KCNQ1OT1: variants seen among roughly 807,000 people sequenced by gnomAD.
KCNQ1OT1 encodes KCNQ1 antisense RNA 2 (non-protein coding).
At chr11:2,616,329 C>CAA (rs1419570603) in exon 1 of KCNQ1OT1, 1 of 396,986 alleles carries the variant, frequency 2.5e-6, no homozygotes, top group East Asian at 3.6e-5. Flanking sequence ...TTGATCTTTT[C>CAA]AAAAACAAGC....
exon 1 of KCNQ1OT1, chr11:2,635,427 A>C (rs1277083720): frequency 6.6e-6 from 1 of 152,212 alleles, no homozygotes; most frequent in African/African-American, 2.4e-5. Context: ...AGCACCATTT[A>C]TTAAATAGGG....
exon 1 of KCNQ1OT1, chr11:2,656,343 GCA>G: frequency 2.5e-6 from 1 of 398,600 alleles, no homozygotes; most frequent in East Asian, 3.6e-5. Context: ...CTCCAAATCT[GCA>G]CATTCTTCAA....
At chr11:2,622,430 T>C (rs576442338) in exon 1 of KCNQ1OT1, 3 of 398,398 alleles carry the variant, frequency 7.5e-6, no homozygotes, top group Admixed American at 4.4e-5. Flanking sequence ...TTCAATCTAC[T>C]TGTGTCTTTA....
rs1320659417 is a variant in KCNQ1OT1, at chr11:2,677,441, A to G, written n.22554T>C. 1 of 398,482 alleles carries G rather than the reference A, an allele frequency of 2.5e-6. No homozygotes were observed. 24.7% of individuals were successfully genotyped at this position (398,482 alleles called of 1,614,324 possible). A position where few individuals can be genotyped will look rare whatever the true frequency, so the allele number is the denominator to read the frequency against. On this transcript the variant is annotated non_coding_transcript_exon_variant, in exon 1 of 1. Transcript: ENST00000597346. The surrounding 1 kb of genome is among the most constrained non-coding windows in gnomAD (Gnocchi z 4.5). ...AGGACAGCAGGGGAGATGATAATTGATGCAGGTGGCCTCTTGGTCAAGCAG... is the reference window on the plus strand; with the variant it reads ...AGGACAGCAGGGGAGATGATAATTGGTGCAGGTGGCCTCTTGGTCAAGCAG...
At chr11:2,625,477 G>C (rs1008403202) in exon 1 of KCNQ1OT1, 11 of 398,254 alleles carry the variant, frequency 2.8e-5, no homozygotes, top group Non-Finnish European at 4.4e-5. Flanking sequence ...TTGTGGTTTT[G>C]ACTTGTATTT....
At chr11:2,618,630 T>A (rs1849111165) in exon 1 of KCNQ1OT1, 2 of 398,436 alleles carry the variant, frequency 5.0e-6, no homozygotes, top group Non-Finnish European at 8.8e-6. Context: ...AAGTATGAAG[T>A]CTCCCTTTGT....
exon 1 of KCNQ1OT1, chr11:2,633,346 T>C (rs1849395718): frequency 2.5e-6 from 1 of 398,444 alleles, no homozygotes; most frequent in East Asian, 3.6e-5. Flanking sequence ...TAGTTTATTA[T>C]TTCCTTTTAT....
At chr11:2,640,789 C>T (rs1299077366) in exon 1 of KCNQ1OT1, 2 of 398,388 alleles carry the variant, frequency 5.0e-6, no homozygotes, top group Admixed American at 4.4e-5. Context: ...TTCTAACTAG[C>T]TGTGTATTTT....
At position 2,624,617 on chromosome 11, in the gene KCNQ1OT1, T is replaced by TG. The variant is rs1193939828; in HGVS notation, n.75377dup. On this transcript the variant is annotated non_coding_transcript_exon_variant, in exon 1 of 1. Coordinates refer to ENST00000597346, the Ensembl canonical transcript of KCNQ1OT1. This position sits in a 1 kb window ranked among gnomAD's most constrained non-coding sequence, Gnocchi z 4.9. Reference sequence around the variant, plus strand: ...AAATTACCATCCTAACCAATTTTAGTGTACAATTCAGTGAATGTATTAGAT... The same window carrying TG: ...AAATTACCATCCTAACCAATTTTAGTGGTACAATTCAGTGAATGTATTAGAT... The TG allele has an allele frequency of 1.0e-5, 4 of 398,444 alleles. No homozygotes were observed. Among genetic ancestry groups the TG allele is most frequent in the Non-Finnish European group, 1.8e-5 (4 of 226,044 alleles). The allele number at this position is 398,444 out of a possible 1,614,324, so 24.7% of individuals were successfully genotyped here.
exon 1 of KCNQ1OT1, chr11:2,630,443 T>C: frequency 2.5e-6 from 1 of 398,366 alleles, no homozygotes; most frequent in Non-Finnish European, 4.4e-6. Flanking sequence ...GTTGGGATTG[T>C]TCCCTCTTTG....
Position 2,653,537 on chromosome 11 carries a change from C to T in KCNQ1OT1, n.46458G>A, listed in dbSNP as rs1376132342. On this transcript the variant is annotated non_coding_transcript_exon_variant, in exon 1 of 1. Transcript: ENST00000597346. This position sits in a 1 kb window ranked among gnomAD's most constrained non-coding sequence, Gnocchi z 5.3. ...TGCTCACTTGCTCTCACTCTCCCCT[C>T]TTGCACTCCCCTTCTCCCTTCCCGT... is the stretch of plus-strand genomic sequence containing the variant. 1 of 398,778 alleles carries T rather than the reference C, an allele frequency of 2.5e-6. No homozygotes were observed. Among genetic ancestry groups the T allele is most frequent in the Non-Finnish European group, 4.4e-6 (1 of 226,236 alleles). The allele number at this position is 398,778 out of a possible 1,614,324, so 24.7% of individuals were successfully genotyped here.
In KCNQ1OT1 at chr11:2,684,010, C is replaced by G. The variant is rs963137856; in HGVS notation, n.15985G>C. ...AATTTCCTTGGCAACTCCGTCTCTC[C>G]TTAGTCAACATCAGCTAACTTCATC... On this transcript the variant is annotated non_coding_transcript_exon_variant, in exon 1 of 1. Transcript: ENST00000597346. 5 of 398,122 alleles carry G rather than the reference C, an allele frequency of 1.3e-5. No individual in the cohort carries two copies. The East Asian group carries it at 1.8e-4, about 14-fold the overall frequency. 24.7% of individuals were successfully genotyped at this position (398,122 alleles called of 1,614,324 possible). A position where few individuals can be genotyped will look rare whatever the true frequency, so the allele number is the denominator to read the frequency against.
exon 1 of KCNQ1OT1, chr11:2,618,777 A>G: frequency 2.5e-6 from 1 of 398,430 alleles, no homozygotes. Context: ...TTTGGATATT[A>G]TTGACATTTT....
chr11:2,662,164 C>A, exon 1 of KCNQ1OT1: 1 of 1,586,556 alleles, frequency 6.3e-7, no homozygotes, highest in South Asian at 1.1e-5. Flanking sequence ...GGAAGCCTTG[C>A]TCTCTGGCCA....
chr11:2,698,387 TG>T lies in KCNQ1OT1; in HGVS notation n.1607del, dbSNP rs1390936598. On this transcript the variant is annotated non_coding_transcript_exon_variant, in exon 1 of 1. Coordinates refer to ENST00000597346, the Ensembl canonical transcript of KCNQ1OT1. The surrounding 1 kb of genome is among the most constrained non-coding windows in gnomAD (Gnocchi z 5.1). ...TATTTGACCTGCTCAGGGACCACAG[TG>T]GGGTACTGGGATCTGAACATAGTGG... 2.5e-6 allele frequency: 1 copy of T among 398,422 alleles called. No individual in the cohort carries two copies. Among genetic ancestry groups the T allele is most frequent in the African/African-American group, 2.1e-5 (1 of 48,568 alleles). 24.7% of individuals were successfully genotyped at this position (398,422 alleles called of 1,614,324 possible).
chr11:2,680,539 A>G (rs1205677194), exon 1 of KCNQ1OT1: 2 of 398,434 alleles, frequency 5.0e-6, no homozygotes, highest in Non-Finnish European at 8.8e-6. Context: ...TTTCTCATGC[A>G]GTTCTAAGAA....
Position 2,690,499 on chromosome 11 carries a change from G to C in KCNQ1OT1, n.9496C>G, listed in dbSNP as rs1030798640. 5.0e-5 allele frequency: 20 copies of C among 398,452 alleles called. No individual in the cohort carries two copies. The highest frequency in any genetic ancestry group is 1.3e-5 in the Non-Finnish European group (3 of 226,082). 24.7% of individuals were successfully genotyped at this position (398,452 alleles called of 1,614,324 possible). A position where few individuals can be genotyped will look rare whatever the true frequency, so the allele number is the denominator to read the frequency against. ...AACAGCCACTGGGCCCAGTCGGGGG[G>C]GTCTCAGCACCTATCACAAAGAAAG... On this transcript the variant is annotated non_coding_transcript_exon_variant, in exon 1 of 1. Transcript: ENST00000597346. This position sits in a 1 kb window ranked among gnomAD's most constrained non-coding sequence, Gnocchi z 5.1.
At chr11:2,641,240 A>G (rs1007050998) in exon 1 of KCNQ1OT1, 3 of 398,298 alleles carry the variant, frequency 7.5e-6, no homozygotes, top group Non-Finnish European at 1.3e-5. Flanking sequence ...TCAGAAATCA[A>G]ACTGTTTTCT....
chr11:2,688,423 C>T (rs995887020), exon 1 of KCNQ1OT1: 2 of 398,748 alleles, frequency 5.0e-6, no homozygotes, highest in Non-Finnish European at 8.8e-6. Flanking sequence ...AGGCACTGGG[C>T]CCCAGCCCCT....
Sources: allele counts gnomAD v4.1 joint callset, GRCh38; gene constraint gnomAD v4.1.1; non-coding constraint Gnocchi (gnomAD v3.1); transcripts MANE v1.5; gene names NCBI Gene and HGNC (gene_info 2026-07-23, HGNC 2026-07-21).